The following SEMA5A variants were observed in gnomAD, a reference collection of about 807,000 sequenced individuals.
SEMA5A encodes the protein semaphorin 5A.
SEMA5A carries 55 observed loss-of-function variants against 135.5 expected under a neutral mutation model. The ratio of observed to expected loss-of-function variants is 0.41; its 90% confidence interval spans 0.33 to 0.51. The LOEUF is 0.51. Among genes scored for constraint, SEMA5A ranks in the 20% least tolerant of loss-of-function variants. The pLI is 0.37. For synonymous variants in SEMA5A, 580 were observed against 546.5 expected (o/e 1.06, Z -0.85); for missense variants, 1,290 against 1,419.9 (o/e 0.91, Z 1.47).
At chr5:9,161,867 G>A (rs552832968) in intron 11 of SEMA5A, among the ~76,000 whole-genome samples, 2 of 152,210 alleles carry the variant, frequency 1.3e-5, no homozygotes, top group Non-Finnish European at 2.9e-5. Context: ...CAAGTAAGAT[G>A]ATGGAGGTTC....
At chr5:9,103,141 G>C (rs1277544417) in intron 16 of SEMA5A, among the ~76,000 whole-genome samples, 2 of 152,124 alleles carry the variant, frequency 1.3e-5, no homozygotes, top group African/African-American at 4.8e-5. Flanking sequence ...GGAAAGACCT[G>C]GACCGGGGGT....
chr5:9,311,181 G>C (rs555270873), intron 5 of SEMA5A, among the ~76,000 whole-genome samples: 1 of 151,656 alleles, frequency 6.6e-6, no homozygotes, highest in Non-Finnish European at 1.5e-5. Flanking sequence ...TAGAAGGTTT[G>C]GTACCACCCC....
chr5:9,415,336 T>C (rs1319587676), intron 2 of SEMA5A, among the ~76,000 whole-genome samples: 2 of 152,196 alleles, frequency 1.3e-5, no homozygotes, highest in Admixed American at 1.3e-4. Context: ...TTCTCCTATC[T>C]AATAAAGCTG....
intron 1 of SEMA5A, among the ~76,000 whole-genome samples, chr5:9,519,296 G>A (rs909235066): frequency 1.1e-4 from 16 of 152,080 alleles, no homozygotes; most frequent in African/African-American, 3.9e-4. Flanking sequence ...TTAAATGTTG[G>A]CACTCATAAC....
chr5:9,359,147 C>T (rs958116833), intron 3 of SEMA5A, among the ~76,000 whole-genome samples: 4 of 152,124 alleles, frequency 2.6e-5, no homozygotes, highest in Admixed American at 2.6e-4. Context: ...AGTAGCAGCT[C>T]CTCCCCCCAC....
intron 2 of SEMA5A, among the ~76,000 whole-genome samples, chr5:9,406,987 C>A (rs557855321): frequency 1.5e-4 from 23 of 152,296 alleles, no homozygotes; most frequent in African/African-American, 5.5e-4. Context: ...TTAGCTTCAG[C>A]GTGACTGTCA....
rs372362148 is a variant in SEMA5A at position 9,374,127 on chromosome 5, C to A, written c.124+5696G>T. Among the ~76,000 whole-genome samples the A allele has an allele frequency of 3.2e-4, 48 of 152,302 alleles. No individual in the cohort carries two copies. In the East Asian group the frequency reaches 7.5e-3, roughly 24 times the overall value. The stretch of plus-strand genomic sequence containing the variant: ...GGTCAGGGTGTTTTAGCAGCCACTG[C>A]ACAATCAGGGCTAAATATTCCAGAA... On this transcript the variant is annotated intron_variant, in intron 3 of 22. Transcript: ENST00000382496.
chr5:9,267,777 G>A (rs1007341478), intron 5 of SEMA5A, among the ~76,000 whole-genome samples: 2 of 152,068 alleles, frequency 1.3e-5, no homozygotes, highest in African/African-American at 4.8e-5. Flanking sequence ...GGTGGGCATG[G>A]GCGAAGTGGA....
chr5:9,295,876 T>C (rs1191672958), intron 5 of SEMA5A, among the ~76,000 whole-genome samples: 3 of 152,210 alleles, frequency 2.0e-5, no homozygotes, highest in African/African-American at 7.2e-5. Context: ...CTTCAGAGAA[T>C]TACATTGTAC....
intron 12 of SEMA5A, 24 bp downstream of exon 12, chr5:9,154,464 A>T (rs768826824): frequency 1.1e-5 from 17 of 1,610,666 alleles, no homozygotes; most frequent in Admixed American, 1.7e-5. Context: ...ACACCAGTGC[A>T]TCCTGACCCC....
chr5:9,376,345 G>T (rs1220045745), intron 3 of SEMA5A, among the ~76,000 whole-genome samples: 1 of 152,142 alleles, frequency 6.6e-6, no homozygotes, highest in Non-Finnish European at 1.5e-5. Flanking sequence ...TCACTTCAGG[G>T]CTTATCACTT....
intron 8 of SEMA5A, among the ~76,000 whole-genome samples, chr5:9,224,322 C>T (rs557489296): frequency 3.6e-4 from 54 of 151,832 alleles, no homozygotes; most frequent in African/African-American, 1.3e-3. Context: ...CATTTCTAGA[C>T]ACATAAAATG....
At chr5:9,088,302 C>CAAAAAAAAAA in intron 16 of SEMA5A, among the ~76,000 whole-genome samples, 1 of 68,364 alleles carries the variant, frequency 1.5e-5, no homozygotes, top group Non-Finnish European at 3.2e-5. Context: ...GACTCCATCT[C>CAAAAAAAAAA]AAAAAAAAAA....
chr5:9,367,138 GACT>G (rs1162659617), intron 3 of SEMA5A, among the ~76,000 whole-genome samples: 2 of 152,130 alleles, frequency 1.3e-5, no homozygotes, highest in African/African-American at 2.4e-5. Flanking sequence ...GGCAATAAAT[GACT>G]ACATTTTAAT....
intron 8 of SEMA5A, among the ~76,000 whole-genome samples, chr5:9,220,943 C>T (rs1347632663): frequency 1.3e-5 from 2 of 152,114 alleles, no homozygotes; most frequent in Non-Finnish European, 2.9e-5. Context: ...GACTGCCGTC[C>T]TCAACAAAGT....
intron 2 of SEMA5A, among the ~76,000 whole-genome samples, chr5:9,396,009 T>C (rs1300313179): frequency 1.3e-5 from 2 of 152,164 alleles, no homozygotes; most frequent in Non-Finnish European, 2.9e-5. Flanking sequence ...TAAGGATACT[T>C]CCTTGCAGGG....
At chr5:9,264,465 C>T (rs1170637230) in intron 5 of SEMA5A, among the ~76,000 whole-genome samples, 6 of 152,246 alleles carry the variant, frequency 3.9e-5, no homozygotes, top group South Asian at 2.1e-4. Context: ...CCTAGAATAA[C>T]GTACCAGGCA....
At chr5:9,046,284 G>A (rs1472352062) in intron 21 of SEMA5A, among the ~76,000 whole-genome samples, 4 of 152,192 alleles carry the variant, frequency 2.6e-5, no homozygotes. Flanking sequence ...TATGTGCTGA[G>A]CATCACTGTG....
chr5:9,387,649 T>C (rs945676496), intron 2 of SEMA5A, among the ~76,000 whole-genome samples: 6 of 152,222 alleles, frequency 3.9e-5, no homozygotes, highest in Non-Finnish European at 7.3e-5. Context: ...ATCTATGCTC[T>C]TTTCTTGCTG....
Sources: allele counts gnomAD v4.1 joint callset (sites outside exome capture counted in the v4.1 genomes callset), GRCh38; gene constraint gnomAD v4.1.1; transcripts MANE v1.5; gene names NCBI Gene and HGNC (gene_info 2026-07-23, HGNC 2026-07-21).